The following TRMT1L variants were observed in gnomAD, a reference collection of about 807,000 sequenced individuals.
TRMT1L encodes tRNA (guanine(27)-N(2))-dimethyltransferase.
Under a neutral mutation model 81.6 loss-of-function variants are expected in TRMT1L, and 28 were observed. The ratio of observed to expected loss-of-function variants is 0.34; its 90% confidence interval spans 0.25 to 0.47. The LOEUF (loss-of-function observed/expected upper bound fraction) is 0.47. Among genes scored for constraint, TRMT1L ranks in the 20% least tolerant of loss-of-function variants. TRMT1L has a pLI of 1.00. For synonymous variants in TRMT1L, 301 were observed against 303.2 expected (o/e 0.99, Z 0.07); for missense variants, 739 against 877.1 (o/e 0.84, Z 1.99).
At chr1:185,149,304 CTTTT>C (rs369603781) in intron 3 of TRMT1L, among the ~76,000 whole-genome samples, 2 of 139,944 alleles carry the variant, frequency 1.4e-5, no homozygotes, top group African/African-American at 2.6e-5. Flanking sequence ...TTTACTTCCT[CTTTT>C]TTTTTTTTTT....
At chr1:185,122,682 ATTT>A (rs374716894) in intron 13 of TRMT1L, among the ~76,000 whole-genome samples, 6 of 118,856 alleles carry the variant, frequency 5.0e-5, no homozygotes, top group African/African-American at 1.3e-4. Flanking sequence ...CTTAAATCTA[ATTT>A]TTTTTTTTTT....
chr1:185,124,032 CAA>C (rs1652562073), intron 12 of TRMT1L, 113 bp from the exon 13 acceptor site: 1 of 597,470 alleles, frequency 1.7e-6, no homozygotes, highest in Admixed American at 4.0e-5. Flanking sequence ...CACGAATATG[CAA>C]GAGATTCTGT....
At chr1:185,150,251 T>C in intron 3 of TRMT1L, 128 bp downstream of exon 3, 1 of 647,738 alleles carries the variant, frequency 1.5e-6, no homozygotes, top group South Asian at 1.9e-5. Flanking sequence ...ACATTAGAAA[T>C]GAGGGCATTA....
In TRMT1L at chr1:185,124,952, T is replaced by C. The variant is rs142906342; in HGVS notation, c.1751A>G (p.Asn584Ser). 1.3e-4 allele frequency: 211 copies of C among 1,610,370 alleles called. 1 individual carries two copies. The Middle Eastern group carries it at 2.5e-3, about 19-fold the overall frequency. Residue 584 changes from asparagine (N) to serine (S), a missense_variant, in exon 12 of 15, where the codon AAC (asparagine) becomes AGC (serine). Around this residue, in one of 4 missense-constraint regions of TRMT1L, gnomAD observed 196 missense variants for 232.6 expected, o/e 0.84. Transcript: ENST00000367506. ...QFSIHASSNV[N>S]KQEENGVFIK... ...AGCGTTCAGTTAGTCACCTTGCTTG[T>C]TGACATTTGAAGATGCATGAATTGA...
intron 10 of TRMT1L, chr1:185,137,304 C>A: frequency 2.6e-6 from 1 of 382,846 alleles, no homozygotes; most frequent in Non-Finnish European, 4.8e-6. Flanking sequence ...TTGTAACAGC[C>A]TGGAAAAAAC....
At chr1:185,125,166 A>C in intron 11 of TRMT1L, 56 bp from the exon 12 acceptor site, 1 of 1,379,798 alleles carries the variant, frequency 7.2e-7, no homozygotes, top group Non-Finnish European at 9.8e-7. Flanking sequence ...CTCTTTAAAA[A>C]GAAAGTCTTC....
upstream of TRMT1L, chr1:185,156,970 G>A (rs1653630166): frequency 1.9e-6 from 1 of 536,454 alleles, no homozygotes; most frequent in Non-Finnish European, 3.2e-6. Flanking sequence ...ACCACAAACT[G>A]CGCAGAAGCG....
chr1:185,145,645 A>G (rs1653168610), intron 4 of TRMT1L, 77 bp from the exon 5 acceptor site: 1 of 1,424,778 alleles, frequency 7.0e-7, no homozygotes, highest in Non-Finnish European at 9.7e-7. Context: ...ATTTAAGTAC[A>G]TTAGTGTCTT....
chr1:185,152,207 G>A (rs1653376167), intron 1 of TRMT1L, among the ~76,000 whole-genome samples: 1 of 152,174 alleles, frequency 6.6e-6, no homozygotes. Context: ...AAATACTGAA[G>A]GAAACGTTAA....
At chr1:185,122,653 G>A (rs1015061411) in intron 13 of TRMT1L, among the ~76,000 whole-genome samples, 8 of 150,924 alleles carry the variant, frequency 5.3e-5, no homozygotes, top group Admixed American at 1.3e-4. Flanking sequence ...ATATAACAAC[G>A]CCTGCATAGG....
At chr1:185,140,901 C>T (rs950429505) in intron 7 of TRMT1L, among the ~76,000 whole-genome samples, 2 of 150,626 alleles carry the variant, frequency 1.3e-5, no homozygotes, top group African/African-American at 4.9e-5. Context: ...AGGATCACCT[C>T]CTAGAGGTCC....
At chr1:185,130,326 CT>C (rs1652736848) in intron 10 of TRMT1L, among the ~76,000 whole-genome samples, 1 of 152,166 alleles carries the variant, frequency 6.6e-6, no homozygotes. Flanking sequence ...TCTCTCTCTG[CT>C]GTCTCTTAAC....
At chr1:185,138,320 A>G (rs939255346) in intron 9 of TRMT1L, among the ~76,000 whole-genome samples, 1 of 152,166 alleles carries the variant, frequency 6.6e-6, no homozygotes, top group Non-Finnish European at 1.5e-5. Context: ...ACTACATTTA[A>G]TTTATATATA....
At chr1:185,127,270 G>A (rs1480363909) in intron 11 of TRMT1L, among the ~76,000 whole-genome samples, 1 of 152,150 alleles carries the variant, frequency 6.6e-6, no homozygotes, top group African/African-American at 2.4e-5. Context: ...AGAACTAGAA[G>A]GTAGGGCTGG....
chr1:185,124,894 T>C, intron 12 of TRMT1L, 50 bp downstream of exon 12: 1 of 1,509,858 alleles, frequency 6.6e-7, no homozygotes, highest in Admixed American at 1.9e-5. Flanking sequence ...AAAGATACAG[T>C]ATTTTTGGTA....
At chr1:185,149,715 T>C (rs1490587925) in intron 3 of TRMT1L, among the ~76,000 whole-genome samples, 2 of 152,154 alleles carry the variant, frequency 1.3e-5, no homozygotes, top group African/African-American at 4.8e-5. Context: ...TATAGCATTT[T>C]CCCAAAAATG....
intron 7 of TRMT1L, among the ~76,000 whole-genome samples, chr1:185,143,109 GAT>G (rs1231129623): frequency 6.6e-6 from 1 of 152,036 alleles, no homozygotes; most frequent in African/African-American, 2.4e-5. Flanking sequence ...AAAAGATTAG[GAT>G]ATGAGGTATG....
chr1:185,156,795 AG>A lies in TRMT1L; in HGVS notation c.-84del. The stretch of plus-strand genomic sequence containing the variant: ...TCAGAGAACTGACGTGAATGCCCAC[AG>A]GGCTGGATCCAAGGAGTGGGGAAGC... On this transcript the variant is annotated 5_prime_UTR_variant, in exon 1 of 15. Coordinates refer to ENST00000367506, the MANE Select transcript of TRMT1L (RefSeq NM_030934.5). 1 of 1,566,698 alleles carries A rather than the reference AG, an allele frequency of 6.4e-7. No homozygotes were observed. The highest frequency in any genetic ancestry group is 8.6e-7 in the Non-Finnish European group (1 of 1,156,252).
chr1:185,140,976 A>C (rs970862328), intron 7 of TRMT1L, among the ~76,000 whole-genome samples: 5 of 151,810 alleles, frequency 3.3e-5, no homozygotes, highest in African/African-American at 9.7e-5. Context: ...TCTCAAAAAA[A>C]AAAAAAAAAC....
Sources: gnomAD v4.1 joint callset for allele counts (sites outside exome capture counted in the v4.1 genomes callset) on GRCh38, gnomAD v4.1.1 for gene constraint, gnomAD v4.1.1 regional missense constraint, MANE v1.5 for transcripts, NCBI Gene and HGNC (gene_info 2026-07-23, HGNC 2026-07-21) for gene names.